The following CERT1 variants were observed in gnomAD, a reference collection of about 807,000 sequenced individuals.
CERT1 encodes the protein ceramide transfer protein.
A neutral mutation model predicts 87.9 loss-of-function variants in CERT1; 31 were observed. That is an observed-to-expected ratio of 0.35 (90% confidence interval 0.27 to 0.48). The LOEUF (loss-of-function observed/expected upper bound fraction) is 0.48. CERT1 is among the 20% of genes least tolerant of loss of function. CERT1 has a pLI of 0.99. For missense variants in CERT1, 487 were observed against 758.0 expected (o/e 0.64, Z 4.20); for synonymous variants, 289 against 250.9 (o/e 1.15, Z -1.44).
intron 11 of CERT1, among the ~76,000 whole-genome samples, chr5:75,391,436 T>C (rs1391625842): frequency 6.6e-6 from 1 of 152,232 alleles, no homozygotes; most frequent in Non-Finnish European, 1.5e-5. Context: ...ACTTTTGTAC[T>C]AAATAAACAC....
chr5:75,374,715 C>T (rs1228047073), downstream of CERT1: 3 of 595,960 alleles, frequency 5.0e-6, no homozygotes, highest in Non-Finnish European at 9.6e-6. Context: ...ACAAAGTAGT[C>T]AGGAATCGAT....
At chr5:75,444,812 T>C (rs995694052) in intron 3 of CERT1, among the ~76,000 whole-genome samples, 1 of 152,192 alleles carries the variant, frequency 6.6e-6, no homozygotes, top group Non-Finnish European at 1.5e-5. Flanking sequence ...CCTAAAGTGC[T>C]GGGATTACAG....
chr5:75,419,697 C>CT (rs200757463), intron 5 of CERT1, among the ~76,000 whole-genome samples: 3 of 151,970 alleles, frequency 2.0e-5, no homozygotes, highest in African/African-American at 7.3e-5. Flanking sequence ...ACAATTATTT[C>CT]TTTTTAAAGC....
At position 75,461,281 on chromosome 5, in the gene CERT1, A is replaced by G. The variant is rs555042366; in HGVS notation, c.232-2100T>C. Among the ~76,000 whole-genome samples, 267 of 152,334 alleles carry G rather than the reference A, an allele frequency of 1.8e-3. 1 individual carries two copies. The highest frequency in any genetic ancestry group is 6.1e-3 in the African/African-American group (253 of 41,574). ...AGATCAGCAGCGGCATTAGATCCTCATAGGAGCACAAACCCTACAACGAAC... is the reference window on the plus strand; with the variant it reads ...AGATCAGCAGCGGCATTAGATCCTCGTAGGAGCACAAACCCTACAACGAAC... On this transcript the variant is annotated intron_variant, in intron 2 of 16. Transcript: ENST00000643780.
intron 3 of CERT1, among the ~76,000 whole-genome samples, chr5:75,433,196 A>C (rs1763946209): frequency 6.6e-6 from 1 of 152,196 alleles, no homozygotes; most frequent in East Asian, 1.9e-4. Context: ...GTACCATATG[A>C]ATTTTAAAAT....
chr5:75,444,548 C>CTTTTTTT (rs952234196), intron 3 of CERT1, among the ~76,000 whole-genome samples: 4 of 128,784 alleles, frequency 3.1e-5, no homozygotes, highest in Admixed American at 7.7e-5. Context: ...CTTTTCTTTT[C>CTTTTTTT]TTTTTTTTTT....
intron 3 of CERT1, among the ~76,000 whole-genome samples, chr5:75,436,987 C>T (rs1441786567): frequency 2.0e-5 from 3 of 152,062 alleles, no homozygotes; most frequent in East Asian, 3.9e-4. Context: ...GGTCTTATTA[C>T]GTTGTCTAGG....
chr5:75,389,184 AAAG>A (rs1166836897), intron 12 of CERT1, among the ~76,000 whole-genome samples: 1 of 152,190 alleles, frequency 6.6e-6, no homozygotes, highest in African/African-American at 2.4e-5. Flanking sequence ...AGAGAAGGGA[AAAG>A]AAGGAGGGTA....
At chr5:75,475,063 AG>A (rs1765898726) in intron 2 of CERT1, among the ~76,000 whole-genome samples, 3 of 152,110 alleles carry the variant, frequency 2.0e-5, no homozygotes, top group Non-Finnish European at 4.4e-5. Context: ...CCACAGTCCA[AG>A]GCATGTAAAC....
chr5:75,450,976 T>C (rs889581279), intron 3 of CERT1, among the ~76,000 whole-genome samples: 2 of 152,190 alleles, frequency 1.3e-5, no homozygotes, highest in Non-Finnish European at 2.9e-5. Flanking sequence ...CAAAATAAAC[T>C]TCTAATGTCT....
intron 3 of CERT1, among the ~76,000 whole-genome samples, chr5:75,445,203 A>G (rs1170027218): frequency 1.3e-5 from 2 of 152,236 alleles, no homozygotes; most frequent in Non-Finnish European, 1.5e-5. Context: ...TTAAACATGT[A>G]TCATTTTCTT....
Position 75,391,770 on chromosome 5 carries a change from C to T in CERT1, c.1189-2083G>A, listed in dbSNP as rs186719559. On this transcript the variant is annotated intron_variant, in intron 11 of 16. Transcript: ENST00000643780. ...ATTGTGATTAGGAGAAATGTTTACTCTTCAGATCCCAAAATCTTAAACATC... is the reference window on the plus strand; with the variant it reads ...ATTGTGATTAGGAGAAATGTTTACTTTTCAGATCCCAAAATCTTAAACATC... Among the ~76,000 whole-genome samples the T allele has an allele frequency of 1.5e-3, 235 of 152,284 alleles. 2 individuals carry two copies. Among genetic ancestry groups the T allele is most frequent in the African/African-American group, 5.2e-3 (218 of 41,568 alleles).
At chr5:75,486,892 A>C (rs1322271217) in intron 2 of CERT1, among the ~76,000 whole-genome samples, 1 of 152,180 alleles carries the variant, frequency 6.6e-6, no homozygotes, top group Non-Finnish European at 1.5e-5. Context: ...AATATTGTTA[A>C]AATGTCCATA....
chr5:75,374,504 C>G (rs1761211292), downstream of CERT1: 1 of 720,422 alleles, frequency 1.4e-6, no homozygotes, highest in Admixed American at 1.7e-5. Flanking sequence ...CCAAAAAGGG[C>G]CACAGCCACG....
intron 3 of CERT1, among the ~76,000 whole-genome samples, chr5:75,432,056 C>CG (rs1763891255): frequency 6.6e-6 from 1 of 150,614 alleles, no homozygotes; most frequent in Non-Finnish European, 1.5e-5. Context: ...ATTCCCCCCC[C>CG]CTTTTTTTTT....
At chr5:75,393,623 A>AAAAAAAAAAAAAAAAAAAAAAAAAG (rs1762120822) in intron 11 of CERT1, among the ~76,000 whole-genome samples, 1 of 145,460 alleles carries the variant, frequency 6.9e-6, no homozygotes, top group African/African-American at 2.5e-5. Flanking sequence ...AAAAAAAAAA[A>AAAAAAAAAAAAAAAAAAAAAAAAAG]GAAAGTCTAG....
rs539924208 is a variant in CERT1 at position 75,511,328 on chromosome 5, G to A, written c.-121C>T. On this transcript the variant is annotated 5_prime_UTR_variant, in exon 1 of 17. Transcript: ENST00000643780. ...AAGCGAAGAGTGCCCGCTCCGGTGT[G>A]GGGGGGAGCAGGAGGAGGGACGAAG... is the stretch of plus-strand genomic sequence containing the variant. 7.8e-6 allele frequency: 12 copies of A among 1,546,410 alleles called. No individual in the cohort carries two copies. The South Asian group carries it at 9.5e-5, about 12-fold the overall frequency.
At chr5:75,376,447 C>G (rs945046525), downstream of CERT1, 9 of 152,124 alleles carry the variant, frequency 5.9e-5, no homozygotes, top group African/African-American at 2.2e-4. Flanking sequence ...AGTGAAACAG[C>G]ACCACTTTAA....
At chr5:75,412,239 C>T (rs180885840) in intron 7 of CERT1, among the ~76,000 whole-genome samples, 256 of 152,164 alleles carry the variant, frequency 1.7e-3, no homozygotes, top group Non-Finnish European at 2.7e-3. Flanking sequence ...GCTTGGTCCC[C>T]CTATTGGGTA....
Sources: allele counts gnomAD v4.1 joint callset (sites outside exome capture counted in the v4.1 genomes callset), GRCh38; gene constraint gnomAD v4.1.1; transcripts MANE v1.5; gene names NCBI Gene and HGNC (gene_info 2026-07-23, HGNC 2026-07-21).